The following DHX35 variants were observed in gnomAD, a reference collection of about 807,000 sequenced individuals.
DHX35 encodes probable ATP-dependent RNA helicase DHX35.
In DHX35, 84 loss-of-function variants were observed where a neutral mutation model predicts 99.6. That is an observed-to-expected ratio of 0.84 (90% CI 0.71 to 1.01). The LOEUF (loss-of-function observed/expected upper bound fraction) is 1.01, where lower values mean the gene tolerates loss of function less well. Among genes scored for constraint, DHX35 ranks in the 50% least tolerant of loss-of-function variants. The pLI is 0.00. For synonymous variants in DHX35, 331 were observed against 316.2 expected (o/e 1.05, Z -0.50); for missense variants, 852 against 888.5 (o/e 0.96, Z 0.52).
chr20:39,036,062 CAAGAG>C (rs1055620316), intron 21 of DHX35, among the ~76,000 whole-genome samples: 2 of 152,188 alleles, frequency 1.3e-5, no homozygotes, highest in African/African-American at 4.8e-5. Context: ...CTTCAGGAGT[CAAGAG>C]AAGGGATCAG....
At chr20:38,975,499 T>C (rs2086062471) in intron 3 of DHX35, among the ~76,000 whole-genome samples, 1 of 152,228 alleles carries the variant, frequency 6.6e-6, no homozygotes, top group Non-Finnish European at 1.5e-5. Context: ...ACCATTATTA[T>C]CTTCATTTTA....
intron 5 of DHX35, 132 bp from the exon 6 acceptor site, chr20:38,991,322 A>G (rs1216524671): frequency 2.9e-6 from 2 of 701,154 alleles, no homozygotes; most frequent in South Asian, 2.3e-5. Flanking sequence ...ATATGGGGGC[A>G]TTTTCTCACA....
At chr20:38,997,275 T>C (rs144075874) in intron 8 of DHX35, among the ~76,000 whole-genome samples, 3,063 of 152,200 alleles carry the variant, frequency 0.02, 107 homozygotes, top group African/African-American at 0.071. Flanking sequence ...CTCATCATGT[T>C]GGCCAGGCTG....
intron 4 of DHX35, among the ~76,000 whole-genome samples, chr20:38,984,035 G>T (rs1433091082): frequency 6.6e-6 from 1 of 151,752 alleles, no homozygotes; most frequent in Non-Finnish European, 1.5e-5. Context: ...TCAGCCTCCC[G>T]AGTAGCTGGG....
At chr20:39,004,207 C>T (rs538922584) in intron 11 of DHX35, among the ~76,000 whole-genome samples, 16 of 152,180 alleles carry the variant, frequency 1.1e-4, no homozygotes, top group Non-Finnish European at 1.8e-4. Context: ...GGACTACAGG[C>T]GCCCGCCACC....
At position 39,003,841 on chromosome 20, in the gene DHX35, G is replaced by A. The variant is rs1162314233; in HGVS notation, c.945G>A (p.Met315Ile). The A allele has an allele frequency of 2.5e-6, 4 of 1,614,108 alleles. No individual in the cohort carries two copies. Among genetic ancestry groups the A allele is most frequent in the Non-Finnish European group, 3.4e-6 (4 of 1,180,066 alleles). Residue 315 changes from methionine (M) to isoleucine (I), a missense_variant, in exon 11 of 22, where the codon ATG (methionine) becomes ATA (isoleucine). Physicochemically the swap from Met to Ile is conservative, Grantham distance 10. Transcript: ENST00000252011. ...AGAGACACCTCCGAGTTCTCCCCAT[G>A]TATGCAGGACTGCCTTCCTTTGAGC... ...GMKRHLRVLP[M>I]YAGLPSFEQM...
chr20:38,978,433 C>A, intron 3 of DHX35: 1 of 621,246 alleles, frequency 1.6e-6, no homozygotes, highest in Non-Finnish European at 3.0e-6. Flanking sequence ...GGGGTGGTGG[C>A]ACGTACTTAG....
At chr20:39,010,253 C>T (rs1316454003) in intron 12 of DHX35, 27 bp from the exon 13 acceptor site, 2 of 1,613,834 alleles carry the variant, frequency 1.2e-6, no homozygotes, top group East Asian at 2.2e-5. Flanking sequence ...CATTTGGTCC[C>T]AAACAGTTCT....
chr20:38,968,698 C>A (rs936476146), intron 1 of DHX35, among the ~76,000 whole-genome samples: 2 of 152,180 alleles, frequency 1.3e-5, no homozygotes, highest in Non-Finnish European at 2.9e-5. Flanking sequence ...CAGACACACA[C>A]CGCCATGCAC....
chr20:38,971,089 C>T (rs924091503), intron 2 of DHX35, among the ~76,000 whole-genome samples: 4 of 152,116 alleles, frequency 2.6e-5, no homozygotes, highest in Admixed American at 6.5e-5. Context: ...TGGTGGCTTA[C>T]GGCTGTAATC....
At chr20:39,002,284 T>C (rs1363331845) in intron 9 of DHX35, among the ~76,000 whole-genome samples, 6 of 152,216 alleles carry the variant, frequency 3.9e-5, no homozygotes, top group Non-Finnish European at 8.8e-5. Flanking sequence ...CCTGTACTAG[T>C]CACTGGACAA....
intron 20 of DHX35, among the ~76,000 whole-genome samples, chr20:39,031,567 C>A (rs574294568): frequency 6.6e-6 from 1 of 152,228 alleles, no homozygotes; most frequent in East Asian, 1.9e-4. Flanking sequence ...CAACTCCTGA[C>A]CTCAGGTGAT....
intron 8 of DHX35, among the ~76,000 whole-genome samples, chr20:38,996,580 T>C (rs962741917): frequency 1.3e-5 from 2 of 152,160 alleles, no homozygotes; most frequent in Non-Finnish European, 2.9e-5. Flanking sequence ...TGAGAGTAGA[T>C]ATGGAGTCTC....
chr20:39,006,266 G>C lies in DHX35; in HGVS notation c.1132G>C (p.Val378Leu), dbSNP rs147101334. 708 of 1,614,180 alleles carry C rather than the reference G, an allele frequency of 4.4e-4. 2 individuals carry two copies. The highest frequency in any genetic ancestry group is 2.5e-3 in the South Asian group (230 of 91,084). Residue 378 changes from valine (V) to leucine (L), a missense_variant, in exon 12 of 22, where the codon GTG becomes CTG. By Grantham distance (32) the Val-to-Leu change is conservative. Coordinates refer to ENST00000252011, the MANE Select transcript of DHX35 (RefSeq NM_021931.4). ...TCCCAGGACAGCTATTGAATGCTTG[G>C]TGGTGGTGCCAGTCTCCCAGGCATC... ...YNPRTAIECLVVVPVSQASAN... is the reference protein window; with the variant it reads ...YNPRTAIECLLVVPVSQASAN...
intron 2 of DHX35, 122 bp from the exon 3 acceptor site, chr20:38,972,437 G>T (rs2086016833): frequency 1.5e-6 from 1 of 649,944 alleles, no homozygotes; most frequent in East Asian, 2.8e-5. Flanking sequence ...AATACATTTT[G>T]ATAGTTCTAC....
chr20:38,976,251 C>G (rs924619808), intron 3 of DHX35, among the ~76,000 whole-genome samples: 3 of 152,094 alleles, frequency 2.0e-5, no homozygotes, highest in Non-Finnish European at 4.4e-5. Flanking sequence ...GCCCTGTCTT[C>G]CTGGTACCCA....
intron 1 of DHX35, among the ~76,000 whole-genome samples, chr20:38,968,586 C>T (rs558188148): frequency 3.3e-5 from 5 of 152,114 alleles, no homozygotes; most frequent in South Asian, 2.1e-4. Context: ...CTTGCTCTGT[C>T]GCCCAGGCTG....
At position 39,010,342 on chromosome 20, in the gene DHX35, C is replaced by T. The variant is rs1290899262; in HGVS notation, c.1285C>T (p.Pro429Ser). 3 of 1,614,132 alleles carry T rather than the reference C, an allele frequency of 1.9e-6. No individual in the cohort carries two copies. The highest frequency in any genetic ancestry group is 1.7e-5 in the Admixed American group (1 of 60,016). ...VPEMQRSNLA[P>S]VILQLKALGI... ...TGAGATGCAGCGTAGTAATTTGGCA[C>T]CTGTCATCCTGCAGCTGAAAGCACT... is the stretch of plus-strand genomic sequence containing the variant. The change falls in exon 13 of 22, where the codon CCT becomes TCT. Residue 429 changes from proline to serine, a missense_variant. Coordinates refer to ENST00000252011, the MANE Select transcript of DHX35 (RefSeq NM_021931.4).
At position 39,028,424 on chromosome 20, in the gene DHX35, C is replaced by G; in HGVS notation, c.1808C>G (p.Pro603Arg). 1 of 1,614,156 alleles carries G rather than the reference C, an allele frequency of 6.2e-7. No individual in the cohort carries two copies. The highest frequency in any genetic ancestry group is 1.7e-4 in the Middle Eastern group (1 of 6,060). Reference protein sequence around the residue: ...QVPRKSSEGDPDLVLRCIVSG... With the variant: ...QVPRKSSEGDRDLVLRCIVSG... ...CTGTTGGCTGCCTATGTAGGTGACCCGGATCTGGTTCTGAGGTGCATTGTC... is the reference window on the plus strand; with the variant it reads ...CTGTTGGCTGCCTATGTAGGTGACCGGGATCTGGTTCTGAGGTGCATTGTC... Residue 603 changes from proline to arginine, a missense_variant, in exon 19 of 22, where the codon CCG becomes CGG. Pro to Arg is a moderately radical substitution (Grantham distance 103, BLOSUM62 -2). Coordinates refer to ENST00000252011, the MANE Select transcript of DHX35 (RefSeq NM_021931.4).
Sources: gnomAD v4.1 joint callset for allele counts (sites outside exome capture counted in the v4.1 genomes callset) on GRCh38, gnomAD v4.1.1 for gene constraint, MANE v1.5 for transcripts, NCBI Gene and HGNC (gene_info 2026-07-23, HGNC 2026-07-21) for gene names.